The following CDH13 variants were observed in gnomAD, a reference collection of about 807,000 sequenced individuals.
The protein encoded by CDH13 is cadherin 13, also known as cadherin-13.
CDH13 carries 24 observed loss-of-function variants against 63.8 expected under a neutral mutation model. That is an observed-to-expected ratio of 0.38 (90% CI 0.27 to 0.53). CDH13 has a LOEUF of 0.53. CDH13 is among the 20% of genes least tolerant of loss of function. The pLI is 0.85. For missense variants in CDH13, 1,049 were observed against 903.1 expected (o/e 1.16, Z -2.07); for synonymous variants, 503 against 355.3 (o/e 1.42, Z -4.67).
intron 7 of CDH13, among the ~76,000 whole-genome samples, chr16:83,544,313 G>A (rs1409076107): frequency 6.6e-6 from 1 of 151,734 alleles, no homozygotes; most frequent in African/African-American, 2.4e-5. Flanking sequence ...TGTGTAGTCT[G>A]GGTTTACATT....
chr16:82,725,222 C>A (rs1256972521), intron 1 of CDH13, among the ~76,000 whole-genome samples: 1 of 152,144 alleles, frequency 6.6e-6, no homozygotes, highest in Non-Finnish European at 1.5e-5. Flanking sequence ...CTGTTTCCCT[C>A]ATTGCAAATA....
chr16:83,365,894 T>A (rs1324663897), intron 6 of CDH13, among the ~76,000 whole-genome samples: 1 of 152,038 alleles, frequency 6.6e-6, no homozygotes, highest in Non-Finnish European at 1.5e-5. Flanking sequence ...TGGAAAAGGA[T>A]TTTTCCCCCC....
At chr16:82,857,212 G>T (rs2039738200) in intron 1 of CDH13, among the ~76,000 whole-genome samples, 1 of 152,162 alleles carries the variant, frequency 6.6e-6, no homozygotes, top group African/African-American at 2.4e-5. Context: ...AACCTTTCTA[G>T]AATTTCGAGT....
intron 7 of CDH13, among the ~76,000 whole-genome samples, chr16:83,568,815 A>G (rs1356642700): frequency 6.6e-6 from 1 of 152,074 alleles, no homozygotes; most frequent in East Asian, 1.9e-4. Flanking sequence ...CATCTCCCAA[A>G]GCCACTCACT....
chr16:83,281,771 A>G (rs1263591026), intron 5 of CDH13, among the ~76,000 whole-genome samples: 5 of 151,586 alleles, frequency 3.3e-5, no homozygotes, highest in East Asian at 1.9e-4. Context: ...AACGTAGCCA[A>G]GCGTGGTGGC....
intron 2 of CDH13, among the ~76,000 whole-genome samples, chr16:82,919,514 T>C (rs1310947409): frequency 1.3e-5 from 2 of 152,234 alleles, no homozygotes; most frequent in African/African-American, 4.8e-5. Context: ...TCCAGCTCCA[T>C]CTGTGTTCCT....
chr16:83,219,543 ACATAGTAAG>A (rs2039635847), intron 5 of CDH13, among the ~76,000 whole-genome samples: 1 of 152,258 alleles, frequency 6.6e-6, no homozygotes, highest in African/African-American at 2.4e-5. Flanking sequence ...AATGCTGGAA[ACATAGTAAG>A]CATCATATAA....
chr16:82,638,022 G>A (rs114459541), intron 1 of CDH13, among the ~76,000 whole-genome samples: 3,902 of 152,294 alleles, frequency 0.026, 170 homozygotes, highest in African/African-American at 0.088. Flanking sequence ...TGTTACAATA[G>A]GAAGCAGTAG....
chr16:83,038,728 C>A (rs192050020), intron 3 of CDH13, among the ~76,000 whole-genome samples: 1 of 152,210 alleles, frequency 6.6e-6, no homozygotes, highest in African/African-American at 2.4e-5. Context: ...CTCCATGCTT[C>A]GTTCCTCACG....
intron 11 of CDH13, among the ~76,000 whole-genome samples, chr16:83,760,543 G>T (rs189697060): frequency 6.6e-6 from 1 of 152,322 alleles, no homozygotes; most frequent in East Asian, 1.9e-4. Context: ...AACATCATGG[G>T]TGAATCTCAC....
chr16:83,049,527 G>A lies in CDH13; in HGVS notation c.366+17309G>A, dbSNP rs558504661. Among the ~76,000 whole-genome samples the A allele has an allele frequency of 1.8e-4, 27 of 151,884 alleles. No individual in the cohort carries two copies. In the South Asian group the frequency reaches 5.2e-3, roughly 29 times the overall value. ...TTTTTTGTATTTTTTAGTAGAGACC[G>A]GGTTTCACCGTGTTAGCCAGGATGG... On this transcript the variant is annotated intron_variant, in intron 3 of 13. Coordinates refer to ENST00000567109, the MANE Select transcript of CDH13 (RefSeq NM_001257.5).
intron 1 of CDH13, among the ~76,000 whole-genome samples, chr16:82,754,885 G>C (rs886767186): frequency 3.9e-5 from 6 of 152,128 alleles, no homozygotes; most frequent in African/African-American, 1.4e-4. Flanking sequence ...TGCATAGAAA[G>C]GTATTTTTGG....
intron 1 of CDH13, among the ~76,000 whole-genome samples, chr16:82,721,881 G>C (rs1221158664): frequency 1.3e-5 from 2 of 152,142 alleles, no homozygotes; most frequent in African/African-American, 4.8e-5. Flanking sequence ...GGAAATGCCA[G>C]TTAGACTACA....
intron 2 of CDH13, chr16:82,954,376 G>A (rs941318806): frequency 6.6e-6 from 1 of 151,926 alleles, no homozygotes; most frequent in Non-Finnish European, 1.5e-5. Context: ...AGATACAGGG[G>A]TTTCCAGAAA....
chr16:83,538,826 T>C lies in CDH13; in HGVS notation c.960+52171T>C, dbSNP rs2075245112. ...CAAGTATTTATCCAGCTTGGATACC[T>C]GGAAGTGGAATTCCTGGTTGAAAGG... is the stretch of plus-strand genomic sequence containing the variant. On this transcript the variant is annotated intron_variant, in intron 7 of 13. Transcript: ENST00000567109. Among the ~76,000 whole-genome samples, 10 of 152,344 alleles carry C rather than the reference T, an allele frequency of 6.6e-5. No homozygotes were observed. The South Asian group carries it at 2.1e-3, about 32-fold the overall frequency.
chr16:83,662,052 G>A (rs1331936485), intron 8 of CDH13, among the ~76,000 whole-genome samples: 1 of 152,174 alleles, frequency 6.6e-6, no homozygotes, highest in Non-Finnish European at 1.5e-5. Context: ...ACATGGGGCA[G>A]GACATCAGTG....
chr16:82,701,999 A>AAG (rs1400325440), intron 1 of CDH13, among the ~76,000 whole-genome samples: 2 of 152,234 alleles, frequency 1.3e-5, no homozygotes, highest in African/African-American at 4.8e-5. Context: ...GCGGCTTACA[A>AAG]AGAGCAAATA....
chr16:83,790,547 C>A (rs1916190999), intron 13 of CDH13, among the ~76,000 whole-genome samples: 1 of 152,124 alleles, frequency 6.6e-6, no homozygotes, highest in African/African-American at 2.4e-5. Context: ...CTACAAGCGC[C>A]CGCCACCATG....
chr16:83,183,874 G>C (rs965027044), intron 4 of CDH13, among the ~76,000 whole-genome samples: 1 of 152,154 alleles, frequency 6.6e-6, no homozygotes, highest in Non-Finnish European at 1.5e-5. Context: ...GAGTGAAGCA[G>C]ACATTAGGTG....
Sources: allele counts gnomAD v4.1 joint callset (sites outside exome capture counted in the v4.1 genomes callset), GRCh38; gene constraint gnomAD v4.1.1; transcripts MANE v1.5; gene names NCBI Gene and HGNC (gene_info 2026-07-23, HGNC 2026-07-21).